The following METTL25B variants were observed in gnomAD, a reference collection of about 807,000 sequenced individuals.
METTL25B encodes methyltransferase like 25B.
Under a neutral mutation model 48.4 loss-of-function variants are expected in METTL25B, and 38 were observed. That is an observed-to-expected ratio of 0.78 (90% CI 0.61 to 1.03). The LOEUF is 1.03. METTL25B is among the 50% of genes least tolerant of loss of function. The pLI, the probability that METTL25B is intolerant of heterozygous loss-of-function variation, is 0.00. For missense variants in METTL25B, 537 were observed against 603.7 expected (o/e 0.89, Z 1.16); for synonymous variants, 230 against 254.5 (o/e 0.90, Z 0.92).
Position 156,736,680 on chromosome 1 carries a change from G to T in METTL25B, c.1355G>T (p.Arg452Ile). The T allele has an allele frequency of 6.2e-7, 1 of 1,613,980 alleles. No individual in the cohort carries two copies. The change falls in exon 8 of 8, where the codon AGA becomes ATA. Residue 452 changes from arginine (R) to isoleucine (I), a missense_variant. Arg to Ile is a moderately conservative substitution (Grantham distance 97). Transcript: ENST00000368216. Reference sequence around the variant, plus strand: ...ATCTTCAGTCCTGAACTCTCTCCCAGAAACCTGGTTCTGGTGGCCACCAAG... The same window carrying T: ...ATCTTCAGTCCTGAACTCTCTCCCATAAACCTGGTTCTGGTGGCCACCAAG... ...LPIFSPELSP[R>I]NLVLVATKMP...
chr1:156,730,076 C>T (rs1649138826), intron 1 of METTL25B, among the ~76,000 whole-genome samples: 2 of 152,322 alleles, frequency 1.3e-5, no homozygotes, highest in South Asian at 4.1e-4. Context: ...ACTTCCTAAC[C>T]GATCTTGCTG....
rs549292405 is a variant in METTL25B at position 156,733,858 on chromosome 1, A to C, written c.637-151A>C. On this transcript the variant is annotated intron_variant, in intron 5 of 7. Transcript: ENST00000368216. ...GTCCAGGACTTTTCCCCCTCTCCTG[A>C]CTTGTGGTCCAGCCCCTCCCGCACC... 2.5e-5 allele frequency: 25 copies of C among 1,008,322 alleles called. No homozygotes were observed. The East Asian group carries it at 6.0e-4, about 24-fold the overall frequency. 62.5% of individuals were successfully genotyped at this position (1,008,322 alleles called of 1,614,324 possible). A position where few individuals can be genotyped will look rare whatever the true frequency, so the allele number is the denominator to read the frequency against.
chr1:156,736,099 G>A (rs2102675759), intron 7 of METTL25B, 190 bp downstream of exon 7: 2 of 489,056 alleles, frequency 4.1e-6, no homozygotes, highest in Middle Eastern at 5.5e-4. Flanking sequence ...TGGGTGCGGT[G>A]GCTCATGCCT....
In METTL25B at chr1:156,733,519, A is replaced by T; in HGVS notation, c.635A>T (p.Gln212Leu). ...ALEKEEKRNP[Q>L]VVQTSPRHSP... ...GAGAAAGAGGAGAAGAGGAACCCGC[A>T]GGTAGGCCAACCCTTCCTGCGACCT... Residue 212 changes from glutamine (Q) to leucine (L), a missense_variant and splice_region_variant, in exon 5 of 8, where the codon CAG becomes CTG. By Grantham distance (113) the Gln-to-Leu change is moderately radical. Coordinates refer to ENST00000368216, the MANE Select transcript of METTL25B (RefSeq NM_015997.4). 6.2e-7 allele frequency: 1 copy of T among 1,613,506 alleles called. No individual in the cohort carries two copies. The highest frequency in any genetic ancestry group is 8.5e-7 in the Non-Finnish European group (1 of 1,179,900).
intron 3 of METTL25B, 137 bp from the exon 4 acceptor site, chr1:156,732,848 C>T: frequency 2.7e-6 from 2 of 747,276 alleles, no homozygotes; most frequent in South Asian, 1.8e-5. Context: ...ATCTTTCTTT[C>T]CAAATCTGTC....
At chr1:156,733,068 A>G (rs780675250) in intron 4 of METTL25B, 21 bp downstream of exon 4, 2 of 1,611,400 alleles carry the variant, frequency 1.2e-6, no homozygotes, top group South Asian at 2.2e-5. Flanking sequence ...GTCTTGATGT[A>G]CTGTTTTTTT....
Position 156,728,554 on chromosome 1 carries a change from C to T in METTL25B, c.-551C>T, listed in dbSNP as rs10908517. 1.0e-6 allele frequency: 1 copy of T among 985,386 alleles called. No individual in the cohort carries two copies. Among genetic ancestry groups the T allele is most frequent in the African/African-American group, 1.7e-5 (1 of 57,186 alleles). 61.0% of individuals were successfully genotyped at this position (985,386 alleles called of 1,614,324 possible). A position where few individuals can be genotyped will look rare whatever the true frequency, so the allele number is the denominator to read the frequency against. On this transcript the variant is annotated 5_prime_UTR_variant, in exon 1 of 8. Transcript: ENST00000368216. ...CGCGCGCACACCCGCACCGCCCCGA[C>T]CCCAGGTAGTGAGGCCAGTGATTCC...
chr1:156,735,608 G>A lies in METTL25B; in HGVS notation c.1122-117G>A, dbSNP rs367573781. On this transcript the variant is annotated intron_variant, in intron 6 of 7. Transcript: ENST00000368216. ...TATATGCACATATGTTCATGAAAAC[G>A]CATATTGGGGTAGAAAATAAAGCAA... is the stretch of plus-strand genomic sequence containing the variant. The A allele has an allele frequency of 5.4e-4, 152 of 283,244 alleles. 1 individual carries two copies. Among genetic ancestry groups the A allele is most frequent in the African/African-American group, 4.4e-3 (81 of 18,508 alleles). The allele number at this position is 283,244 out of a possible 1,614,324, so 17.5% of individuals were successfully genotyped here. A position where few individuals can be genotyped will look rare whatever the true frequency, so the allele number is the denominator to read the frequency against.
chr1:156,733,075 T>C, intron 4 of METTL25B, 28 bp downstream of exon 4: 1 of 1,607,028 alleles, frequency 6.2e-7, no homozygotes, highest in Non-Finnish European at 8.5e-7. Context: ...TGTACTGTTT[T>C]TTTGAGTCAT....
At chr1:156,736,052 G>A in intron 7 of METTL25B, 143 bp downstream of exon 7, 1 of 657,182 alleles carries the variant, frequency 1.5e-6, no homozygotes, top group Non-Finnish European at 2.5e-6. Context: ...TAGGGGATTG[G>A]GAGTAGGGGA....
intron 1 of METTL25B, among the ~76,000 whole-genome samples, chr1:156,730,105 G>A (rs1649143598): frequency 6.6e-6 from 1 of 152,156 alleles, no homozygotes; most frequent in Non-Finnish European, 1.5e-5. Flanking sequence ...CCTCTGCCCT[G>A]CCATTACCAA....
At position 156,734,025 on chromosome 1, in the gene METTL25B, C is replaced by T. The variant is rs1355737184; in HGVS notation, c.653C>T (p.Pro218Leu). The part of the protein sequence containing the change: ...KRNPQVVQTS[P>L]RHSPHHVVRW... ...CTTCCACAGGTGGTCCAAACCAGCCCTCGTCACTCCCCACACCACGTGGTT... is the reference window on the plus strand; with the variant it reads ...CTTCCACAGGTGGTCCAAACCAGCCTTCGTCACTCCCCACACCACGTGGTT... Residue 218 changes from proline to leucine, a missense_variant, in exon 6 of 8, where the codon CCT (proline) becomes CTT (leucine). Pro to Leu is a moderately conservative substitution (Grantham distance 98, BLOSUM62 -3). Transcript: ENST00000368216. 2 of 1,604,098 alleles carry T rather than the reference C, an allele frequency of 1.2e-6. No individual in the cohort carries two copies. Among genetic ancestry groups the T allele is most frequent in the Admixed American group, 3.4e-5 (2 of 59,318 alleles).
At chr1:156,733,334 A>AGGGCACTGAACAG in intron 4 of METTL25B, 43 bp from the exon 5 acceptor site, 1 of 1,609,314 alleles carries the variant, frequency 6.2e-7, no homozygotes, top group African/African-American at 1.3e-5. Context: ...GATAGTGGAT[A>AGGGCACTGAACAG]GGGCACTGAA....
At position 156,734,426 on chromosome 1, in the gene METTL25B, GC is replaced by G; in HGVS notation, c.1057del (p.Arg353GlyfsTer33). 1 of 1,608,952 alleles carries G rather than the reference GC, an allele frequency of 6.2e-7. No individual in the cohort carries two copies. Among genetic ancestry groups the G allele is most frequent in the Non-Finnish European group, 8.5e-7 (1 of 1,177,772 alleles). The stretch of plus-strand genomic sequence containing the variant: ...AGCACTGGAGACAGTCATCCGACGG[GC>G]CCGGCCCGAGCTCCGTCGGCCAGGC... ...RAALETVIRR[A>X]RPELRRPGVQ... On this transcript the variant is annotated frameshift_variant, in exon 6 of 8. Coordinates refer to ENST00000368216, the MANE Select transcript of METTL25B (RefSeq NM_015997.4). LOFTEE classifies it high-confidence loss of function.
At position 156,735,868 on chromosome 1, in the gene METTL25B, C is replaced by T. The variant is rs142341603; in HGVS notation, c.1265C>T (p.Thr422Met). 3.5e-5 allele frequency: 56 copies of T among 1,612,772 alleles called. 1 individual carries two copies. The highest frequency in any genetic ancestry group is 4.0e-5 in the Non-Finnish European group (47 of 1,179,600). The change falls in exon 7 of 8, where the codon ACG becomes ATG. Residue 422 changes from threonine (T) to methionine (M), a missense_variant. Thr to Met is a moderately conservative substitution (Grantham distance 81). Transcript: ENST00000368216. Reference sequence around the variant, plus strand: ...CTACTGCTTGCCCCACTGGTGGAGACGCTTATTCTACTGGACCGGCTGCTG... The same window carrying T: ...CTACTGCTTGCCCCACTGGTGGAGATGCTTATTCTACTGGACCGGCTGCTG... Reference protein sequence around the residue: ...LALLLAPLVETLILLDRLLYL... With the variant: ...LALLLAPLVEMLILLDRLLYL...
At chr1:156,733,887 C>T in intron 5 of METTL25B, 122 bp from the exon 6 acceptor site, 4 of 1,393,480 alleles carry the variant, frequency 2.9e-6, no homozygotes, top group Non-Finnish European at 3.9e-6. Flanking sequence ...CCGCACCCAC[C>T]TTATCTCCCA....
At position 156,728,879 on chromosome 1, in the gene METTL25B, A is replaced by T; in HGVS notation, c.-226A>T. ...CCCGCCCTACGTGTCTCTGACGCTGACACCTTCTCACTGTGAAACGTCGCG... is the reference window on the plus strand; with the variant it reads ...CCCGCCCTACGTGTCTCTGACGCTGTCACCTTCTCACTGTGAAACGTCGCG... On this transcript the variant is annotated 5_prime_UTR_variant, in exon 1 of 8. Transcript: ENST00000368216. The T allele has an allele frequency of 3.2e-6, 2 of 618,020 alleles. No individual in the cohort carries two copies. The highest frequency in any genetic ancestry group is 2.5e-6 in the Non-Finnish European group (1 of 398,728). The allele number at this position is 618,020 out of a possible 1,614,324, so 38.3% of individuals were successfully genotyped here.
In METTL25B at chr1:156,736,736, G is replaced by T; in HGVS notation, c.1411G>T (p.Glu471Ter). Residue 471 changes from glutamate (E) to a stop codon, truncating the protein, a stop_gained, in exon 8 of 8, where the codon GAG becomes TAG. Transcript: ENST00000368216. LOFTEE classifies it high-confidence loss of function. ...CCTGGGTCAGGCTCTTTCTGTTCTG[G>T]AGACTGAAGACAGCTGATGCAGCCT... ...MPLGQALSVL[E>*]TEDS 6.2e-7 allele frequency: 1 copy of T among 1,612,622 alleles called. No homozygotes were observed. The highest frequency in any genetic ancestry group is 8.5e-7 in the Non-Finnish European group (1 of 1,180,008).
intron 3 of METTL25B, 116 bp from the exon 4 acceptor site, chr1:156,732,869 G>A (rs948166228): frequency 3.3e-6 from 3 of 897,460 alleles, no homozygotes; most frequent in Non-Finnish European, 5.4e-6. Flanking sequence ...TTCACATCCA[G>A]GGCACCCTCT....
Sources: gnomAD v4.1 joint callset for allele counts (sites outside exome capture counted in the v4.1 genomes callset) on GRCh38, gnomAD v4.1.1 for gene constraint, MANE v1.5 for transcripts, NCBI Gene and HGNC (gene_info 2026-07-23, HGNC 2026-07-21) for gene names.